RIT2: variants seen among roughly 807,000 people sequenced by gnomAD.
The protein encoded by RIT2 is GTP-binding protein Rit2.
A neutral mutation model predicts 23.7 loss-of-function variants in RIT2; 24 were observed. The observed-to-expected ratio is 1.01, with a 90% confidence interval of 0.73 to 1.43. The LOEUF (loss-of-function observed/expected upper bound fraction) is 1.43, where lower values mean the gene tolerates loss of function less well. Ranked by LOEUF, RIT2 falls within the 40% of genes most tolerant of loss-of-function variation. The pLI is 0.00. For synonymous variants in RIT2, 107 were observed against 91.1 expected (o/e 1.17, Z -0.99); for missense variants, 236 against 266.9 (o/e 0.88, Z 0.81).
intron 4 of RIT2, among the ~76,000 whole-genome samples, chr18:42,808,351 A>G (rs1209801239): frequency 1.3e-5 from 2 of 152,206 alleles, no homozygotes; most frequent in Non-Finnish European, 2.9e-5. Flanking sequence ...AAGAGAGATT[A>G]TGCACTCATG....
rs540538208 is a variant in RIT2, at chr18:42,954,646, T to C, written c.234+19428A>G. 1.3e-4 allele frequency among the ~76,000 whole-genome samples: 20 copies of C among 152,204 alleles called. No individual in the cohort carries two copies. The East Asian group carries it at 3.5e-3, about 27-fold the overall frequency. ...TACTTGCTTGAAGCTGAAAGTGTTT[T>C]GATTTTATATTTTCCTTTTATTTTT... On this transcript the variant is annotated intron_variant, in intron 3 of 4. Coordinates refer to ENST00000326695, the MANE Select transcript of RIT2 (RefSeq NM_002930.4).
rs542703786 is a variant in RIT2 at position 43,043,833 on chromosome 18, A to C, written c.104-9966T>G. On this transcript the variant is annotated intron_variant, in intron 1 of 4. Coordinates refer to ENST00000326695, the MANE Select transcript of RIT2 (RefSeq NM_002930.4). ...AAATAAATAAATAAATCAAATAAAT[A>C]AATAAATAAATAAAAGAAAGCAGGG... 4.0e-5 allele frequency among the ~76,000 whole-genome samples: 6 copies of C among 151,556 alleles called. No homozygotes were observed. The South Asian group carries it at 1.2e-3, about 31-fold the overall frequency.
rs1306059701 is a variant in RIT2 at position 42,872,770 on chromosome 18, A to C, written c.426+50802T>G. On this transcript the variant is annotated intron_variant, in intron 4 of 4. Coordinates refer to ENST00000326695, the MANE Select transcript of RIT2 (RefSeq NM_002930.4). The stretch of plus-strand genomic sequence containing the variant: ...TGTGTGGGCTACGGCAAAATTTCTC[A>C]AATGTTAGAATCAGATTAGACACTT... 3.9e-5 allele frequency among the ~76,000 whole-genome samples: 6 copies of C among 152,168 alleles called. 1 individual carries two copies. Among genetic ancestry groups the C allele is most frequent in the Admixed American group, 3.3e-4 (5 of 15,276 alleles).
chr18:43,104,744 T>C (rs2144243260), intron 1 of RIT2, among the ~76,000 whole-genome samples: 1 of 152,198 alleles, frequency 6.6e-6, no homozygotes, highest in East Asian at 1.9e-4. Context: ...AGGAACCAAT[T>C]AGCTGAAGTT....
At chr18:43,108,147 C>G (rs1024263575) in intron 1 of RIT2, among the ~76,000 whole-genome samples, 1 of 149,670 alleles carries the variant, frequency 6.7e-6, no homozygotes, top group Non-Finnish European at 1.5e-5. Context: ...TGCACTCCAG[C>G]CTGAGTGATA....
intron 1 of RIT2, among the ~76,000 whole-genome samples, chr18:43,072,292 C>G (rs2144336745): frequency 6.6e-6 from 1 of 152,148 alleles, no homozygotes; most frequent in African/African-American, 2.4e-5. Flanking sequence ...GGCCCTAATT[C>G]ATGGTATTTT....
intron 1 of RIT2, among the ~76,000 whole-genome samples, chr18:43,072,365 G>T (rs1299756557): frequency 6.6e-6 from 1 of 152,000 alleles, no homozygotes; most frequent in African/African-American, 2.4e-5. Flanking sequence ...GTCTTTTTGC[G>T]AATCAATTTG....
chr18:42,862,736 A>C (rs546911609), intron 4 of RIT2, among the ~76,000 whole-genome samples: 83 of 152,302 alleles, frequency 5.4e-4, no homozygotes, highest in Non-Finnish European at 7.3e-5. Flanking sequence ...ACAACTCAAC[A>C]TACAAACTGC....
At chr18:43,040,486 C>G (rs541847463) in intron 1 of RIT2, among the ~76,000 whole-genome samples, 3 of 152,150 alleles carry the variant, frequency 2.0e-5, no homozygotes, top group Non-Finnish European at 4.4e-5. Context: ...ATCCTCTCAT[C>G]AAGTGGTCTC....
At chr18:43,001,735 T>G (rs1911112612) in intron 2 of RIT2, among the ~76,000 whole-genome samples, 1 of 152,062 alleles carries the variant, frequency 6.6e-6, no homozygotes, top group African/African-American at 2.4e-5. Context: ...TTCCTCATTT[T>G]CTCTTTACGT....
chr18:43,045,338 A>G (rs1048708437), intron 1 of RIT2, among the ~76,000 whole-genome samples: 2 of 152,198 alleles, frequency 1.3e-5, no homozygotes, highest in African/African-American at 2.4e-5. Flanking sequence ...TGTAGATGTT[A>G]ACATCTAATC....
intron 4 of RIT2, among the ~76,000 whole-genome samples, chr18:42,877,181 C>T (rs1465987333): frequency 3.3e-5 from 5 of 151,604 alleles, no homozygotes; most frequent in Admixed American, 6.6e-5. Context: ...CAAGACAGCT[C>T]AGGTATAGGT....
intron 3 of RIT2, among the ~76,000 whole-genome samples, chr18:42,960,684 T>G (rs1336221800): frequency 6.6e-6 from 1 of 152,168 alleles, no homozygotes; most frequent in Non-Finnish European, 1.5e-5. Flanking sequence ...CAACAATATT[T>G]ATAAGCTCTA....
At chr18:43,007,096 T>C (rs1911246087) in intron 2 of RIT2, among the ~76,000 whole-genome samples, 1 of 151,636 alleles carries the variant, frequency 6.6e-6, no homozygotes, top group East Asian at 1.9e-4. Context: ...ATAAAGATAA[T>C]AAACAATTAT....
intron 1 of RIT2, among the ~76,000 whole-genome samples, chr18:43,105,489 G>GGAGGAAGGGAGGAAGGGAGGAAGA: frequency 1.3e-5 from 1 of 79,892 alleles, no homozygotes. Flanking sequence ...AGGGAGGAAG[G>GGAGGAAGGGAGGAAGGGAGGAAGA]GAGGAAGAAA....
chr18:42,762,408 A>G (rs1274208070), intron 4 of RIT2, among the ~76,000 whole-genome samples: 18 of 152,224 alleles, frequency 1.2e-4, no homozygotes, highest in Admixed American at 1.2e-3. Flanking sequence ...AGAAACCAAA[A>G]ATAAGTATCC....
chr18:43,108,067 G>T (rs1049873067), intron 1 of RIT2, among the ~76,000 whole-genome samples: 2 of 151,112 alleles, frequency 1.3e-5, no homozygotes, highest in African/African-American at 4.9e-5. Flanking sequence ...CCAGTTATTC[G>T]GGGAGGCTGA....
chr18:42,786,055 G>A (rs946368593), intron 4 of RIT2, among the ~76,000 whole-genome samples: 1 of 152,136 alleles, frequency 6.6e-6, no homozygotes, highest in Non-Finnish European at 1.5e-5. Context: ...ATTCACAGCA[G>A]ATGAAAAGGG....
intron 1 of RIT2, among the ~76,000 whole-genome samples, chr18:43,092,989 T>C (rs779719167): frequency 6.6e-6 from 1 of 152,056 alleles, no homozygotes; most frequent in Non-Finnish European, 1.5e-5. Flanking sequence ...TATATTCTTA[T>C]ATGTAAGCAG....
Sources: allele counts gnomAD v4.1 joint callset (sites outside exome capture counted in the v4.1 genomes callset), GRCh38; gene constraint gnomAD v4.1.1; transcripts MANE v1.5; gene names NCBI Gene and HGNC (gene_info 2026-07-23, HGNC 2026-07-21).